The following PTPRT variants were observed in gnomAD, a reference collection of about 807,000 sequenced individuals.
The protein encoded by PTPRT is protein tyrosine phosphatase receptor type T.
PTPRT carries 56 observed loss-of-function variants against 176.8 expected under a neutral mutation model. The ratio of observed to expected loss-of-function variants is 0.32; its 90% CI spans 0.26 to 0.40. PTPRT has a LOEUF of 0.40. PTPRT is among the 10% of genes least tolerant of loss of function. PTPRT has a pLI of 1.00. For synonymous variants in PTPRT, 783 were observed against 739.0 expected, an observed-to-expected ratio of 1.06 and a Z score of -0.96; for missense variants, 1,540 against 1,908.2, an observed-to-expected ratio of 0.81 and a Z score of 3.60.
intron 1 of PTPRT, among the ~76,000 whole-genome samples, chr20:43,023,754 T>C (rs1450326036): frequency 6.6e-6 from 1 of 152,180 alleles, no homozygotes; most frequent in Non-Finnish European, 1.5e-5. Context: ...GCCCTGTAGC[T>C]GCCCTAACCT....
chr20:42,576,091 C>T (rs1186621275), intron 7 of PTPRT, among the ~76,000 whole-genome samples: 2 of 152,308 alleles, frequency 1.3e-5, no homozygotes, highest in East Asian at 3.9e-4. Flanking sequence ...ACCCCTCTAT[C>T]CATTACACTA....
intron 3 of PTPRT, among the ~76,000 whole-genome samples, chr20:42,781,767 A>T (rs2077218617): frequency 1.3e-5 from 2 of 152,320 alleles, no homozygotes; most frequent in South Asian, 4.2e-4. Context: ...AACTGCTTAC[A>T]CGGAAGATAC....
intron 1 of PTPRT, among the ~76,000 whole-genome samples, chr20:43,066,799 T>C (rs1209822885): frequency 6.6e-6 from 1 of 152,148 alleles, no homozygotes; most frequent in Non-Finnish European, 1.5e-5. Context: ...ACTTGATGGG[T>C]CAAATCTAAC....
At chr20:42,744,850 G>A (rs572886023) in intron 6 of PTPRT, among the ~76,000 whole-genome samples, 184 of 152,334 alleles carry the variant, frequency 1.2e-3, no homozygotes, top group African/African-American at 4.3e-3. Context: ...ACATGCAGCA[G>A]TTCTGCTCAC....
intron 1 of PTPRT, among the ~76,000 whole-genome samples, chr20:43,032,898 T>C (rs1331633523): frequency 1.3e-5 from 2 of 152,196 alleles, no homozygotes; most frequent in African/African-American, 2.4e-5. Flanking sequence ...AAACGCATGA[T>C]GTGCGATACA....
At chr20:42,351,533 T>C (rs147334781) in intron 10 of PTPRT, among the ~76,000 whole-genome samples, 375 of 152,346 alleles carry the variant, frequency 2.5e-3, no homozygotes, top group African/African-American at 8.6e-3. Flanking sequence ...AAAATATGTA[T>C]GTATGCAGAC....
chr20:42,634,052 TTATAAATATATAA>T (rs2074526889), intron 7 of PTPRT, among the ~76,000 whole-genome samples: 1 of 34,762 alleles, frequency 2.9e-5, no homozygotes, highest in Non-Finnish European at 4.9e-5. Flanking sequence ...TATATATATA[TTATAAATATATAA>T]TATATATATA....
intron 1 of PTPRT, among the ~76,000 whole-genome samples, chr20:43,147,890 G>A (rs1463918381): frequency 6.6e-6 from 1 of 152,102 alleles, no homozygotes; most frequent in Non-Finnish European, 1.5e-5. Flanking sequence ...CACAGAACCT[G>A]GCACTCTCAC....
intron 9 of PTPRT, among the ~76,000 whole-genome samples, chr20:42,398,134 T>C (rs1372841300): frequency 2.0e-5 from 3 of 152,110 alleles, no homozygotes; most frequent in Non-Finnish European, 4.4e-5. Flanking sequence ...AAGGTATGTG[T>C]GTCTGTTCCA....
chr20:42,294,234 T>A (rs1295702925), intron 12 of PTPRT, among the ~76,000 whole-genome samples: 2 of 152,058 alleles, frequency 1.3e-5, no homozygotes, highest in East Asian at 3.9e-4. Flanking sequence ...ACACTACACA[T>A]GAAAGTGCTA....
chr20:42,485,539 A>G (rs1338272733), intron 7 of PTPRT, among the ~76,000 whole-genome samples: 2 of 152,234 alleles, frequency 1.3e-5, no homozygotes, highest in African/African-American at 4.8e-5. Flanking sequence ...ATGTAAAAAC[A>G]AACAAAAGTA....
chr20:42,620,445 T>C (rs1441846038), intron 7 of PTPRT, among the ~76,000 whole-genome samples: 2 of 149,696 alleles, frequency 1.3e-5, no homozygotes, highest in East Asian at 1.9e-4. Flanking sequence ...CAGGCAGGCC[T>C]CCTAGAGCTG....
At chr20:42,969,567 G>A (rs1371498470) in intron 1 of PTPRT, 1 of 152,192 alleles carries the variant, frequency 6.6e-6, no homozygotes, top group African/African-American at 2.4e-5. Context: ...CTCCACGTAA[G>A]CCATAAAATC....
chr20:42,752,184 C>A (rs2076779067), intron 6 of PTPRT, among the ~76,000 whole-genome samples: 1 of 152,194 alleles, frequency 6.6e-6, no homozygotes, highest in Admixed American at 6.5e-5. Flanking sequence ...TGTCCCCACC[C>A]ATGGAGTCCT....
the PTPRT span, among the ~76,000 whole-genome samples, chr20:42,040,233 T>G: frequency 6.6e-6 from 1 of 152,302 alleles, no homozygotes; most frequent in African/African-American, 2.4e-5. Context: ...CAGAGTTGCC[T>G]TCCAACCTAG....
chr20:42,207,517 C>T (rs376759206), intron 15 of PTPRT, among the ~76,000 whole-genome samples: 59 of 81,606 alleles, frequency 7.2e-4, no homozygotes, highest in Non-Finnish European at 1.1e-3. Context: ...GGAGCCGATG[C>T]GATCAACTGG....
At position 42,080,837 on chromosome 20, in the gene PTPRT, ACAG is replaced by A; in HGVS notation, c.*39_*41del. 1 of 1,577,322 alleles carries A rather than the reference ACAG, an allele frequency of 6.3e-7. No individual in the cohort carries two copies. Among genetic ancestry groups the A allele is most frequent in the Non-Finnish European group, 8.7e-7 (1 of 1,148,136 alleles). ...CATTCACACAAAAGGGGGCTTGGTC[ACAG>A]CAGCCTCTGGACTCCGGCAGGTTCC... On this transcript the variant is annotated 3_prime_UTR_variant, in exon 31 of 31. Transcript: ENST00000373187.
At chr20:43,085,478 G>T (rs2011578411) in intron 1 of PTPRT, among the ~76,000 whole-genome samples, 1 of 152,186 alleles carries the variant, frequency 6.6e-6, no homozygotes, top group South Asian at 2.1e-4. Flanking sequence ...GTATTAGTCT[G>T]TTCTCAGCTC....
At chr20:42,734,793 C>T (rs1448318479) in intron 6 of PTPRT, among the ~76,000 whole-genome samples, 1 of 152,182 alleles carries the variant, frequency 6.6e-6, no homozygotes, top group African/African-American at 2.4e-5. Flanking sequence ...CTGCCAGGGG[C>T]AGGTTCTTCC....
Sources: gnomAD v4.1 joint callset for allele counts (sites outside exome capture counted in the v4.1 genomes callset) on GRCh38, gnomAD v4.1.1 for gene constraint, MANE v1.5 for transcripts, NCBI Gene and HGNC (gene_info 2026-07-23, HGNC 2026-07-21) for gene names.